Variants in GPRC5D observed in about 807,000 individuals in gnomAD.
The protein encoded by GPRC5D is G protein-coupled receptor family C group 5 member D.
A neutral mutation model predicts 29.3 loss-of-function variants in GPRC5D; 20 were observed. The ratio of observed to expected loss-of-function variants is 0.68; its 90% confidence interval spans 0.48 to 0.99. The LOEUF is 0.99. Among genes scored for constraint, GPRC5D ranks in the 50% least tolerant of loss-of-function variants. The probability of loss-of-function intolerance (pLI) is 0.00; values close to 1 mark genes in which losing one functional copy is unlikely to be tolerated. For synonymous variants in GPRC5D, 178 were observed against 171.3 expected, an observed-to-expected ratio of 1.04 and a Z score of -0.30; for missense variants, 384 against 423.6, an observed-to-expected ratio of 0.91 and a Z score of 0.82.
chr12:12,944,722 A>G (rs1438874618), intron 1 of GPRC5D, among the ~76,000 whole-genome samples: 1 of 150,510 alleles, frequency 6.6e-6, no homozygotes, highest in East Asian at 2.0e-4. Flanking sequence ...AAAAATGCCT[A>G]CAGTACTGTG....
chr12:12,950,983 G>A (rs907318161), upstream of GPRC5D, among the ~76,000 whole-genome samples: 1 of 150,702 alleles, frequency 6.6e-6, no homozygotes, highest in Non-Finnish European at 1.5e-5. Context: ...GATGGCATGC[G>A]CTTATATTCC....
At position 12,942,529 on chromosome 12, in the gene GPRC5D, GT is replaced by G. The variant is rs370909455; in HGVS notation, c.896-202del. On this transcript the variant is annotated intron_variant, in intron 1 of 2. Transcript: ENST00000228887. ...ACAGGCGGATCACTTGAGGTCAGGAGTTCGAGACTAGCCTGGCCAACATGGC... is the reference window on the plus strand; with the variant it reads ...ACAGGCGGATCACTTGAGGTCAGGAGTCGAGACTAGCCTGGCCAACATGGC... Among the ~76,000 whole-genome samples the G allele has an allele frequency of 1.6e-3, 241 of 152,320 alleles. 2 individuals carry two copies. The highest frequency in any genetic ancestry group is 5.6e-3 in the African/African-American group (234 of 41,578).
At chr12:12,946,286 TC>T (rs1240402684) in intron 1 of GPRC5D, among the ~76,000 whole-genome samples, 91 of 86,764 alleles carry the variant, frequency 1.0e-3, no homozygotes, top group African/African-American at 3.7e-3. Context: ...CTTCCTTCCT[TC>T]CTTTCTTCCT....
At chr12:12,946,307 CCT>C (rs1565478381) in intron 1 of GPRC5D, among the ~76,000 whole-genome samples, 2,186 of 22,798 alleles carry the variant, frequency 0.096, 24 homozygotes, top group East Asian at 0.16. Flanking sequence ...TTCCTTCCTT[CCT>C]TTTCTTTCTT....
At chr12:12,947,652 C>A (rs988599067) in intron 1 of GPRC5D, among the ~76,000 whole-genome samples, 2 of 150,530 alleles carry the variant, frequency 1.3e-5, no homozygotes, top group African/African-American at 4.9e-5. Flanking sequence ...GCAGCCTCAA[C>A]CTCCCAGACT....
At chr12:12,947,268 A>G (rs1449324974) in intron 1 of GPRC5D, 1 of 152,194 alleles carries the variant, frequency 6.6e-6, no homozygotes, top group African/African-American at 2.4e-5. Flanking sequence ...TCAGCTCATG[A>G]CCTACCATAA....
intron 2 of GPRC5D, among the ~76,000 whole-genome samples, chr12:12,941,703 C>CA (rs1289313741): frequency 6.6e-6 from 1 of 152,206 alleles, no homozygotes; most frequent in African/African-American, 2.4e-5. Context: ...GAATTACCCC[C>CA]AAACTACTCA....
chr12:12,949,133 A>G (rs7314873), intron 1 of GPRC5D, among the ~76,000 whole-genome samples: 130,833 of 152,166 alleles, frequency 0.86, 57,603 homozygotes, highest in Non-Finnish European at 0.95. Flanking sequence ...AACATTAGAT[A>G]TCATGCAAAA....
At chr12:12,940,692 ACT>A (rs1863119158), downstream of GPRC5D, 12 of 783,324 alleles carry the variant, frequency 1.5e-5, no homozygotes, top group Admixed American at 1.5e-4. Context: ...TGGCAGCGTG[ACT>A]CTGTGGGCCC....
At chr12:12,951,839 G>A (rs140468040), upstream of GPRC5D, among the ~76,000 whole-genome samples, 1,829 of 152,236 alleles carry the variant, frequency 0.012, 42 homozygotes, top group African/African-American at 0.041. Flanking sequence ...CAATGCAGCA[G>A]GTTGTAGTTA....
chr12:12,942,147 C>A, intron 2 of GPRC5D, 114 bp downstream of exon 3: 2 of 761,472 alleles, frequency 2.6e-6, no homozygotes, highest in Non-Finnish European at 4.6e-6. Flanking sequence ...GATGCTCCTG[C>A]TCTGTCTCTC....
At chr12:12,949,715 G>T (rs867789644) in exon 1 of GPRC5D, 2 of 1,607,334 alleles carry the variant, frequency 1.2e-6, no homozygotes, top group East Asian at 2.2e-5. Context: ...CCTCTCAGGA[G>T]CATGGAGATC....
rs1209610197 is a variant in GPRC5D, at chr12:12,946,165, C to T, written c.895+3325G>A. Among the ~76,000 whole-genome samples the T allele has an allele frequency of 2.6e-5, 4 of 152,150 alleles. No homozygotes were observed. In the South Asian group the frequency reaches 6.2e-4, roughly 24 times the overall value. Reference sequence around the variant, plus strand: ...TTAATCTAAATCTCTCATGCCTTTGCGTCCATTTCCACCCACTATCTTTAG... The same window carrying T: ...TTAATCTAAATCTCTCATGCCTTTGTGTCCATTTCCACCCACTATCTTTAG... On this transcript the variant is annotated intron_variant, in intron 1 of 2. Transcript: ENST00000228887.
upstream of GPRC5D, chr12:12,951,973 T>C (rs1277496698): frequency 6.6e-6 from 1 of 151,928 alleles, no homozygotes; most frequent in Non-Finnish European, 1.5e-5. Context: ...AGATCCCACA[T>C]ATTCATTTGA....
chr12:12,946,439 TC>T (rs1863347763), intron 1 of GPRC5D, among the ~76,000 whole-genome samples: 1 of 10,150 alleles, frequency 9.9e-5, no homozygotes. Context: ...TCTCTCTTTC[TC>T]TCTCTCTCTC....
At chr12:12,949,647 C>T in exon 1 of GPRC5D, 1 of 1,614,162 alleles carries the variant, frequency 6.2e-7, no homozygotes, top group Non-Finnish European at 8.5e-7. Context: ...CGTTGGTGAC[C>T]AGAGCAATGC....
chr12:12,951,151 G>GT (rs1418986744), upstream of GPRC5D, among the ~76,000 whole-genome samples: 2 of 151,988 alleles, frequency 1.3e-5, no homozygotes, highest in African/African-American at 4.8e-5. Flanking sequence ...AACAAAAAAA[G>GT]TAACGTCAAG....
rs745322553 is a variant in GPRC5D at position 12,946,309 on chromosome 12, TTTTC to T, written c.895+3177_895+3180del. On this transcript the variant is annotated intron_variant, in intron 1 of 2. Coordinates refer to ENST00000228887, the Ensembl canonical transcript of GPRC5D. ...CTTCCTTTCTTCCTTCCTTCCTTCC[TTTTC>T]TTTCTTTCTTTCTTTCTTTCTTTCT... is the stretch of plus-strand genomic sequence containing the variant. Among the ~76,000 whole-genome samples, 64 of 37,684 alleles carry T rather than the reference TTTTC, an allele frequency of 1.7e-3. 1 individual carries two copies. The highest frequency in any genetic ancestry group is 4.4e-3 in the African/African-American group (53 of 11,976). The allele number at this position is 37,684 out of a possible 152,430, so 24.7% of individuals were successfully genotyped here. A position where few individuals can be genotyped will look rare whatever the true frequency, so the allele number is the denominator to read the frequency against.
intron 1 of GPRC5D, among the ~76,000 whole-genome samples, chr12:12,945,279 A>G (rs999742806): frequency 2.3e-4 from 35 of 152,274 alleles, no homozygotes; most frequent in African/African-American, 8.4e-4. Context: ...TGCTGGGATC[A>G]CAGGCATGAG....
Sources: allele counts gnomAD v4.1 joint callset (sites outside exome capture counted in the v4.1 genomes callset), GRCh38; gene constraint gnomAD v4.1.1; transcripts MANE v1.5; gene names NCBI Gene and HGNC (gene_info 2026-07-23, HGNC 2026-07-21).